Variants in DNMBP observed in about 807,000 individuals in gnomAD.
DNMBP encodes the protein dynamin-binding protein.
Under a neutral mutation model 150.0 loss-of-function variants are expected in DNMBP, and 87 were observed. That is an observed-to-expected ratio of 0.58 (90% CI 0.49 to 0.69). The LOEUF (loss-of-function observed/expected upper bound fraction) is 0.69. Among genes scored for constraint, DNMBP ranks in the 30% least tolerant of loss-of-function variants. DNMBP has a pLI of 0.00. For synonymous variants in DNMBP, 711 were observed against 750.4 expected (o/e 0.95, Z 0.86); for missense variants, 1,774 against 1,949.0 (o/e 0.91, Z 1.69).
chr10:99,883,934 C>T (rs1461205187), intron 15 of DNMBP, 77 bp downstream of exon 15: 2 of 1,400,172 alleles, frequency 1.4e-6, no homozygotes, highest in Non-Finnish European at 2.0e-6. Context: ...TTTTCCTGGC[C>T]TAGTCCAGAT....
intron 4 of DNMBP, among the ~76,000 whole-genome samples, chr10:99,950,429 G>T (rs1305539972): frequency 1.3e-5 from 2 of 152,174 alleles, no homozygotes; most frequent in Non-Finnish European, 2.9e-5. Context: ...CTTTGGAACT[G>T]GGTAACAGGC....
At chr10:99,953,348 G>A (rs575774211) in intron 4 of DNMBP, among the ~76,000 whole-genome samples, 6 of 151,096 alleles carry the variant, frequency 4.0e-5, no homozygotes, top group African/African-American at 4.9e-5. Context: ...ATCCTCCTAC[G>A]TCGGCCTCCC....
chr10:99,877,758 C>T lies in DNMBP; in HGVS notation c.4549-422G>A, dbSNP rs571196236. Among the ~76,000 whole-genome samples, 200 of 152,130 alleles carry T rather than the reference C, an allele frequency of 1.3e-3. 1 individual carries two copies. The highest frequency in any genetic ancestry group is 4.4e-3 in the African/African-American group (183 of 41,520). ...ACACACTTCTAATCCCAGCTACTCA[C>T]GAGGCTGAGACAGGAGAATTGCTCC... On this transcript the variant is annotated intron_variant, in intron 16 of 16. Transcript: ENST00000324109.
chr10:99,930,828 C>A, intron 4 of DNMBP: 1 of 608,498 alleles, frequency 1.6e-6, no homozygotes. Context: ...GGGCTGTGGA[C>A]AGGTGCAGTC....
chr10:99,926,000 GA>G (rs2040073881), intron 4 of DNMBP, among the ~76,000 whole-genome samples: 1 of 152,128 alleles, frequency 6.6e-6, no homozygotes, highest in South Asian at 2.1e-4. Context: ...TTCCAACCCT[GA>G]ACCTTTAGCC....
At chr10:99,917,968 C>CA (rs749252887) in intron 4 of DNMBP, among the ~76,000 whole-genome samples, 6,306 of 51,574 alleles carry the variant, frequency 0.12, 221 homozygotes, top group Middle Eastern at 0.14. Context: ...GACTCTGTCT[C>CA]AAAAAAAAAA....
At chr10:99,883,872 A>G in intron 15 of DNMBP, 139 bp downstream of exon 15, 1 of 716,436 alleles carries the variant, frequency 1.4e-6, no homozygotes, top group Non-Finnish European at 2.3e-6. Context: ...GAGAAGGTTA[A>G]GGTTATTTTT....
intron 3 of DNMBP, among the ~76,000 whole-genome samples, chr10:99,960,877 C>A (rs1192922839): frequency 7.7e-6 from 1 of 129,098 alleles, no homozygotes; most frequent in Non-Finnish European, 1.7e-5. Context: ...ACTCGTGAGG[C>A]TGAGGTGGAA....
At chr10:99,987,760 A>C (rs1398372293) in intron 1 of DNMBP, among the ~76,000 whole-genome samples, 3 of 152,194 alleles carry the variant, frequency 2.0e-5, no homozygotes, top group East Asian at 3.9e-4. Context: ...TGAAAGGAGA[A>C]AGAAACAGGT....
chr10:99,971,264 T>G (rs1413178785), intron 2 of DNMBP, among the ~76,000 whole-genome samples: 3 of 152,046 alleles, frequency 2.0e-5, no homozygotes, highest in African/African-American at 7.2e-5. Context: ...ACAAAAGGAT[T>G]CTGAAATTTA....
At chr10:99,930,528 A>G in intron 4 of DNMBP, 1 of 702,974 alleles carries the variant, frequency 1.4e-6, no homozygotes, top group Non-Finnish European at 2.6e-6. Flanking sequence ...CCCACAGTCC[A>G]TATAGCTTGG....
rs763500263 is a variant in DNMBP, at chr10:99,896,405, G to A, written c.2921-8C>T. 6.7e-5 allele frequency: 108 copies of A among 1,614,082 alleles called. No homozygotes were observed. The highest frequency in any genetic ancestry group is 9.2e-5 in the Non-Finnish European group (108 of 1,179,982). On this transcript the variant is annotated splice_polypyrimidine_tract_variant and splice_region_variant and intron_variant, in intron 9 of 16. Coordinates refer to ENST00000324109, the MANE Select transcript of DNMBP (RefSeq NM_015221.4). ...CCTTACGGTACTTGAGGACTAGGGA[G>A]TAAGTCAGAAAAGCACTTTCCTCAG...
chr10:99,960,773 T>C (rs1164357100), intron 3 of DNMBP, among the ~76,000 whole-genome samples: 1 of 152,062 alleles, frequency 6.6e-6, no homozygotes, highest in African/African-American at 2.4e-5. Context: ...ACCATTGCAC[T>C]CCAGCCTGTG....
rs375304998 is a variant in DNMBP at position 99,975,289 on chromosome 10, G to A, written c.-10-3155C>T. On this transcript the variant is annotated intron_variant, in intron 1 of 16. Transcript: ENST00000324109. ...GCAGGAGAATCACTTCAACCCAGGA[G>A]GCGGAGTTGCAGTGAGCCAAAATCG... is the stretch of plus-strand genomic sequence containing the variant. Among the ~76,000 whole-genome samples the A allele has an allele frequency of 7.2e-5, 11 of 152,126 alleles. No homozygotes were observed. In the South Asian group the frequency reaches 1.9e-3, roughly 26 times the overall value.
At position 99,955,955 on chromosome 10, in the gene DNMBP, T is replaced by C. The variant is rs2040486226; in HGVS notation, c.1519A>G (p.Lys507Glu). ...TAAACACTGGACGTGTGGTGCTTTT[T>C]AGTATAACTTGCTAGGTTGTGGAGC... is the stretch of plus-strand genomic sequence containing the variant. ...PQLHNLASYTKKHHTSSVYSI... is the reference protein window; with the variant it reads ...PQLHNLASYTEKHHTSSVYSI... Residue 507 changes from lysine (K) to glutamate (E), a missense_variant, in exon 4 of 17, where the codon AAA (lysine) becomes GAA (glutamate). Physicochemically the swap from Lys to Glu is moderately conservative, Grantham distance 56. Around this residue, in one of 2 missense-constraint regions of DNMBP, gnomAD observed 1,430 missense variants for 1,492.5 expected, o/e 0.96. Transcript: ENST00000324109. The C allele has an allele frequency of 6.2e-7, 1 of 1,614,088 alleles. No individual in the cohort carries two copies. The highest frequency in any genetic ancestry group is 1.7e-5 in the Admixed American group (1 of 60,000).
At chr10:99,994,830 C>T (rs545497035) in intron 1 of DNMBP, among the ~76,000 whole-genome samples, 1 of 152,152 alleles carries the variant, frequency 6.6e-6, no homozygotes, top group African/African-American at 2.4e-5. Context: ...TTCTTTGGGG[C>T]TCCTGCAATA....
intron 4 of DNMBP, chr10:99,930,442 A>C: frequency 4.3e-6 from 3 of 702,948 alleles, no homozygotes; most frequent in South Asian, 1.5e-5. Context: ...AGACTCTCAT[A>C]ATCTACATTT....
Position 99,880,183 on chromosome 10 carries a change from T to TACA in DNMBP, c.4173_4175dup (p.Val1392dup). ...TCTGGCAAGACCCCGAGGTAAAGGA[T>TACA]ACAGCCATGCTGCTGGGGTTGAAGG... On this transcript the variant is annotated inframe_insertion, in exon 16 of 17. Coordinates refer to ENST00000324109, the MANE Select transcript of DNMBP (RefSeq NM_015221.4). The TACA allele has an allele frequency of 2.5e-6, 4 of 1,614,202 alleles. No individual in the cohort carries two copies. Among genetic ancestry groups the TACA allele is most frequent in the Non-Finnish European group, 3.4e-6 (4 of 1,180,042 alleles).
At chr10:99,945,899 A>C (rs1301267299) in intron 4 of DNMBP, among the ~76,000 whole-genome samples, 1 of 152,250 alleles carries the variant, frequency 6.6e-6, no homozygotes. Flanking sequence ...CAACATTAAA[A>C]AGAAAATGAG....
Sources: allele counts gnomAD v4.1 joint callset (sites outside exome capture counted in the v4.1 genomes callset), GRCh38; gene constraint gnomAD v4.1.1; regional missense constraint gnomAD v4.1.1; transcripts MANE v1.5; gene names NCBI Gene and HGNC (gene_info 2026-07-23, HGNC 2026-07-21).